The following C4orf51 variants were observed in gnomAD, a reference collection of about 807,000 sequenced individuals.
C4orf51 encodes chromosome 4 open reading frame 51.
Under a neutral mutation model 25.2 loss-of-function variants are expected in C4orf51, and 25 were observed. The observed-to-expected ratio is 0.99, with a 90% CI of 0.72 to 1.39. The LOEUF (loss-of-function observed/expected upper bound fraction) is 1.39. C4orf51 is among the 40% of genes most tolerant of loss of function. The probability of loss-of-function intolerance (pLI) is 0.00; values close to 1 mark genes in which losing one functional copy is unlikely to be tolerated. For synonymous variants in C4orf51, 100 were observed against 84.5 expected (o/e 1.18, Z -1.01); for missense variants, 252 against 239.6 (o/e 1.05, Z -0.34).
At chr4:145,724,900 A>AAAAG in intron 2 of C4orf51, among the ~76,000 whole-genome samples, 2 of 150,312 alleles carry the variant, frequency 1.3e-5, no homozygotes, top group African/African-American at 2.4e-5. Context: ...AAAAAAAAAA[A>AAAAG]AAAGAAAGAA....
rs547639902 is a variant in C4orf51 at position 145,726,930 on chromosome 4, C to T, written c.327C>T (p.Thr109=). The T allele has an allele frequency of 6.2e-6, 10 of 1,613,314 alleles. No individual in the cohort carries two copies. Among genetic ancestry groups the T allele is most frequent in the Admixed American group, 1.7e-5 (1 of 60,004 alleles). Residue 109 remains threonine (T), a synonymous_variant, in exon 3 of 6, where the codon ACC becomes ACT. Transcript: ENST00000438731. ...ATGCAGGACTATTCCCTGATATAAC[C>T]AGGCCCTTTAAAAAGTCATTTGATG... ...TDIKGLFPDI[T]RPFKKSFDVK...
intron 2 of C4orf51, among the ~76,000 whole-genome samples, chr4:145,726,316 G>A (rs1452200977): frequency 1.3e-5 from 2 of 152,064 alleles, no homozygotes; most frequent in Non-Finnish European, 2.9e-5. Flanking sequence ...ATTTGTGTTG[G>A]GAACATTCAA....
At chr4:145,701,860 T>C (rs1281719554) in intron 2 of C4orf51, among the ~76,000 whole-genome samples, 2 of 152,066 alleles carry the variant, frequency 1.3e-5, no homozygotes, top group Non-Finnish European at 2.9e-5. Flanking sequence ...GGCCGAGATA[T>C]TTTAACCAAA....
At chr4:145,734,993 C>A (rs1169102302), downstream of C4orf51, among the ~76,000 whole-genome samples, 2 of 152,228 alleles carry the variant, frequency 1.3e-5, no homozygotes, top group Admixed American at 6.5e-5. Context: ...GAAGAGAGCC[C>A]AGGCACAAGG....
At chr4:145,785,624 C>G in the C4orf51 span, among the ~76,000 whole-genome samples, 1 of 152,124 alleles carries the variant, frequency 6.6e-6, no homozygotes, top group Non-Finnish European at 1.5e-5. Flanking sequence ...AAGGAGGAAC[C>G]TGAACGATCA....
At chr4:145,790,129 C>G in the C4orf51 span, among the ~76,000 whole-genome samples, 1 of 152,148 alleles carries the variant, frequency 6.6e-6, no homozygotes, top group Non-Finnish European at 1.5e-5. Context: ...TGCAGAGTTA[C>G]CTAAAGACTG....
intron 2 of C4orf51, among the ~76,000 whole-genome samples, chr4:145,702,462 A>G (rs1730519007): frequency 6.6e-6 from 1 of 152,114 alleles, no homozygotes; most frequent in Non-Finnish European, 1.5e-5. Context: ...GCAAGGCTTC[A>G]CAGACAGCCC....
chr4:145,733,091 C>A (rs1710329605), downstream of C4orf51, among the ~76,000 whole-genome samples: 1 of 152,136 alleles, frequency 6.6e-6, no homozygotes, highest in South Asian at 2.1e-4. Flanking sequence ...GGAGTCGTGG[C>A]CCTCCCGTCC....
intron 2 of C4orf51, among the ~76,000 whole-genome samples, chr4:145,723,120 C>A (rs1195273738): frequency 2.6e-5 from 4 of 152,156 alleles, no homozygotes; most frequent in African/African-American, 9.7e-5. Context: ...CCTGCCCACC[C>A]ACCTTCCATG....
chr4:145,694,883 T>C (rs1362304666), intron 1 of C4orf51, among the ~76,000 whole-genome samples: 1 of 152,212 alleles, frequency 6.6e-6, no homozygotes, highest in Non-Finnish European at 1.5e-5. Flanking sequence ...ATGAACTTAA[T>C]GTTTGAGCTT....
rs139119869 is a variant in C4orf51 at position 145,721,759 on chromosome 4, A to C, written c.308-5152A>C. On this transcript the variant is annotated intron_variant, in intron 2 of 5. Transcript: ENST00000438731. ...CTGTTCAAGCATAACATCAACTAGG[A>C]GGTGGCTGCAATTGATTTTGCCTGT... Among the ~76,000 whole-genome samples, 15 of 152,298 alleles carry C rather than the reference A, an allele frequency of 9.8e-5. No individual in the cohort carries two copies. The East Asian group carries it at 1.7e-3, about 18-fold the overall frequency.
intron 2 of C4orf51, among the ~76,000 whole-genome samples, chr4:145,720,488 C>A (rs1400911674): frequency 6.6e-6 from 1 of 152,190 alleles, no homozygotes; most frequent in African/African-American, 2.4e-5. Flanking sequence ...GTGAGTGACT[C>A]CACACAATAT....
intron 4 of C4orf51, among the ~76,000 whole-genome samples, chr4:145,729,449 C>A (rs949151259): frequency 3.3e-5 from 5 of 151,822 alleles, no homozygotes; most frequent in Non-Finnish European, 5.9e-5. Context: ...CTACCGGCGC[C>A]CGCCACCACA....
intron 2 of C4orf51, among the ~76,000 whole-genome samples, chr4:145,702,241 ACCAAATTGTTTTG>A (rs1182893566): frequency 6.6e-6 from 1 of 151,934 alleles, no homozygotes; most frequent in African/African-American, 2.4e-5. Flanking sequence ...CGCCTTATCA[ACCAAATTGTTTTG>A]CCTATCCACC....
At chr4:145,723,424 A>G (rs1731862165) in intron 2 of C4orf51, among the ~76,000 whole-genome samples, 1 of 152,030 alleles carries the variant, frequency 6.6e-6, no homozygotes, top group Non-Finnish European at 1.5e-5. Context: ...TTAAAGGAAA[A>G]CAGAATCACC....
chr4:145,765,824 T>C lies in C4orf51; in HGVS notation n.167-5164T>C, dbSNP rs563875124. 112 of 1,363,520 alleles carry C rather than the reference T, an allele frequency of 8.2e-5. No homozygotes were observed. In the East Asian group the frequency reaches 2.0e-3, roughly 25 times the overall value. 84.5% of individuals were successfully genotyped at this position (1,363,520 alleles called of 1,614,324 possible). On this transcript the variant is annotated intron_variant and non_coding_transcript_variant, in intron 1 of 1. Transcript: ENST00000510096. The surrounding 1 kb of genome is among the most constrained non-coding windows in gnomAD (Gnocchi z 4.7). ...ACTGAGGGTGACGAGTTGAGTCTCA[T>C]GGATGCATCATCATTCTGGGGGCAC...
At chr4:145,786,217 A>G in the C4orf51 span, among the ~76,000 whole-genome samples, 6 of 152,324 alleles carry the variant, frequency 3.9e-5, no homozygotes, top group East Asian at 1.2e-3. Flanking sequence ...ATTTGACCCT[A>G]TATTTGGTGT....
In C4orf51 at chr4:145,699,889, C is replaced by T. The variant is rs955233758; in HGVS notation, c.307+3257C>T. ...TGGGGGAGGGGCAAGTACCCCTCAACCCCTTCTCCTTCACCCTTAGCGGCA... is the reference window on the plus strand; with the variant it reads ...TGGGGGAGGGGCAAGTACCCCTCAATCCCTTCTCCTTCACCCTTAGCGGCA... On this transcript the variant is annotated intron_variant, in intron 2 of 5. Transcript: ENST00000438731. Among the ~76,000 whole-genome samples the T allele has an allele frequency of 2.0e-5, 3 of 150,690 alleles. No individual in the cohort carries two copies. In the South Asian group the frequency reaches 6.3e-4, roughly 32 times the overall value.
the C4orf51 span, among the ~76,000 whole-genome samples, chr4:145,787,464 GAAAAAAA>G: frequency 4.9e-4 from 41 of 83,230 alleles, no homozygotes; most frequent in Non-Finnish European, 8.8e-4. Context: ...TCCGTCTCAG[GAAAAAAA>G]AAAAAAAAAA....
Sources: gnomAD v4.1 joint callset for allele counts (sites outside exome capture counted in the v4.1 genomes callset) on GRCh38, gnomAD v4.1.1 for gene constraint, Gnocchi (gnomAD v3.1) non-coding constraint, MANE v1.5 for transcripts, NCBI Gene and HGNC (gene_info 2026-07-23, HGNC 2026-07-21) for gene names.